The following FAM167A variants were observed in gnomAD, a reference collection of about 807,000 sequenced individuals.
The protein encoded by FAM167A is protein FAM167A.
Under a neutral mutation model 14.9 loss-of-function variants are expected in FAM167A, and 23 were observed. The observed-to-expected ratio is 1.55, with a 90% CI of 1.11 to 2.19. FAM167A has a LOEUF of 2.19. Among genes scored for constraint, FAM167A ranks in the 30% most tolerant of loss-of-function variants. The pLI, the probability that FAM167A is intolerant of heterozygous loss-of-function variation, is 0.00. For missense variants in FAM167A, 401 were observed against 281.5 expected, an observed-to-expected ratio of 1.42 and a Z score of -3.04; for synonymous variants, 174 against 117.7, an observed-to-expected ratio of 1.48 and a Z score of -3.10.
intron 2 of FAM167A, among the ~76,000 whole-genome samples, chr8:11,430,241 CTTG>C (rs1407795282): frequency 2.6e-5 from 4 of 152,210 alleles, no homozygotes; most frequent in Non-Finnish European, 5.9e-5. Flanking sequence ...GGGCACAGAA[CTTG>C]TTGAAAGGGA....
intron 1 of FAM167A, among the ~76,000 whole-genome samples, chr8:11,449,859 G>C (rs1806953716): frequency 6.6e-6 from 1 of 152,168 alleles, no homozygotes; most frequent in Non-Finnish European, 1.5e-5. Flanking sequence ...AGCCAGGTGG[G>C]GGCAGCTCAG....
intron 1 of FAM167A, among the ~76,000 whole-genome samples, chr8:11,465,416 G>A (rs1807723154): frequency 6.6e-6 from 1 of 152,180 alleles, no homozygotes; most frequent in South Asian, 2.1e-4. Flanking sequence ...TTGGCAAAAC[G>A]GATAATAGAG....
At chr8:11,447,720 C>G (rs1429539460) in intron 1 of FAM167A, among the ~76,000 whole-genome samples, 1 of 152,222 alleles carries the variant, frequency 6.6e-6, no homozygotes, top group Non-Finnish European at 1.5e-5. Context: ...TCTTTCTACT[C>G]TGGAGAGTGT....
chr8:11,457,377 T>C (rs911255705), intron 1 of FAM167A, among the ~76,000 whole-genome samples: 1 of 151,872 alleles, frequency 6.6e-6, no homozygotes, highest in African/African-American at 2.4e-5. Context: ...TGCCACAATG[T>C]CATATGCTGG....
chr8:11,431,128 A>G (rs1403872239), intron 2 of FAM167A, among the ~76,000 whole-genome samples: 1 of 152,258 alleles, frequency 6.6e-6, no homozygotes, highest in Non-Finnish European at 1.5e-5. Flanking sequence ...AATCACCAAT[A>G]GGCGGAACCA....
chr8:11,461,677 C>G (rs1405652674), intron 1 of FAM167A, among the ~76,000 whole-genome samples: 1 of 152,272 alleles, frequency 6.6e-6, no homozygotes, highest in Non-Finnish European at 1.5e-5. Flanking sequence ...GCATTGGCCT[C>G]AGCCTCCAAA....
intron 2 of FAM167A, among the ~76,000 whole-genome samples, chr8:11,441,787 T>A (rs1009921057): frequency 1.3e-5 from 2 of 152,224 alleles, no homozygotes; most frequent in Non-Finnish European, 2.9e-5. Context: ...GATCACGGAA[T>A]GAGGCTGCAA....
chr8:11,458,499 C>T (rs1483992574), intron 1 of FAM167A, among the ~76,000 whole-genome samples: 1 of 152,154 alleles, frequency 6.6e-6, no homozygotes, highest in Non-Finnish European at 1.5e-5. Context: ...CCATGAGTCA[C>T]AGCACCTGCC....
intron 2 of FAM167A, among the ~76,000 whole-genome samples, chr8:11,428,042 C>A (rs1165627351): frequency 2.6e-5 from 4 of 152,184 alleles, no homozygotes; most frequent in Non-Finnish European, 5.9e-5. Flanking sequence ...TGCCTTAGTA[C>A]AGTCATCTGT....
At chr8:11,460,890 A>G (rs1807510975) in intron 1 of FAM167A, among the ~76,000 whole-genome samples, 1 of 152,188 alleles carries the variant, frequency 6.6e-6, no homozygotes, top group Non-Finnish European at 1.5e-5. Context: ...AAGAATCTAT[A>G]AAAATACTTA....
At chr8:11,461,186 C>T (rs982463243) in intron 1 of FAM167A, among the ~76,000 whole-genome samples, 5 of 152,180 alleles carry the variant, frequency 3.3e-5, no homozygotes, top group Admixed American at 1.3e-4. Flanking sequence ...CTTGGGACGC[C>T]CAGTCGCTGG....
chr8:11,444,741 G>C lies in FAM167A; in HGVS notation c.-330C>G. ...AGGTCTATCTGTCCTGAACGCACTC[G>C]AAGACCAGACTGGCAGGAAGAAGGC... On this transcript the variant is annotated 5_prime_UTR_variant, in exon 2 of 3. Coordinates refer to ENST00000284486, the MANE Select transcript of FAM167A (RefSeq NM_053279.3). The C allele has an allele frequency of 1.9e-6, 2 of 1,068,260 alleles. No individual in the cohort carries two copies. Among genetic ancestry groups the C allele is most frequent in the Non-Finnish European group, 2.3e-6 (2 of 883,374 alleles). 66.2% of individuals were successfully genotyped at this position (1,068,260 alleles called of 1,614,324 possible). A position where few individuals can be genotyped will look rare whatever the true frequency, so the allele number is the denominator to read the frequency against.
At chr8:11,469,863 G>C (rs6981704), upstream of FAM167A, among the ~76,000 whole-genome samples, 29,080 of 150,628 alleles carry the variant, frequency 0.19, 3,004 homozygotes, top group Non-Finnish European at 0.22. Flanking sequence ...CTGGGCAACA[G>C]AGCAAGACCC....
chr8:11,436,341 G>A (rs1806012524), intron 2 of FAM167A, among the ~76,000 whole-genome samples: 2 of 152,318 alleles, frequency 1.3e-5, no homozygotes, highest in South Asian at 2.1e-4. Context: ...GAGAGCAAGT[G>A]GGGGCCCTCG....
At chr8:11,468,857 G>A (rs982749293), upstream of FAM167A, among the ~76,000 whole-genome samples, 4 of 152,334 alleles carry the variant, frequency 2.6e-5, no homozygotes, top group Admixed American at 1.3e-4. Flanking sequence ...GTGGTGTCTT[G>A]CCCTGTGGCT....
intron 2 of FAM167A, chr8:11,438,728 A>C: frequency 2.8e-6 from 1 of 361,172 alleles, no homozygotes; most frequent in South Asian, 2.2e-5. Flanking sequence ...GCCCAGATGA[A>C]TAGAACAGGA....
chr8:11,448,804 C>T (rs1277726889), intron 1 of FAM167A, among the ~76,000 whole-genome samples: 2 of 152,262 alleles, frequency 1.3e-5, no homozygotes, highest in South Asian at 2.1e-4. Flanking sequence ...CAGACCAAGG[C>T]CAGGCCCCAG....
intron 2 of FAM167A, chr8:11,438,308 G>A (rs1806182140): frequency 2.5e-6 from 1 of 404,952 alleles, no homozygotes; most frequent in Non-Finnish European, 4.9e-6. Context: ...GTTGGGGTCA[G>A]CTGCAGCTCC....
At chr8:11,454,749 G>A in intron 1 of FAM167A, among the ~76,000 whole-genome samples, 1 of 152,312 alleles carries the variant, frequency 6.6e-6, no homozygotes, top group East Asian at 1.9e-4. Flanking sequence ...GGGTGTGCAG[G>A]CTTTTCTGCC....
Sources: allele counts gnomAD v4.1 joint callset (sites outside exome capture counted in the v4.1 genomes callset), GRCh38; gene constraint gnomAD v4.1.1; transcripts MANE v1.5; gene names NCBI Gene and HGNC (gene_info 2026-07-23, HGNC 2026-07-21).